PDPR: variants seen among roughly 807,000 people sequenced by gnomAD.
PDPR encodes pyruvate dehydrogenase phosphatase regulatory subunit.
Under a neutral mutation model 102.2 loss-of-function variants are expected in PDPR, and 50 were observed. The ratio of observed to expected loss-of-function variants is 0.49; its 90% CI spans 0.39 to 0.62. The LOEUF is 0.62. Among genes scored for constraint, PDPR ranks in the 20% least tolerant of loss-of-function variants. The pLI is 0.00. For missense variants in PDPR, 625 were observed against 1,098.2 expected, an observed-to-expected ratio of 0.57 and a Z score of 6.09; for synonymous variants, 259 against 406.0, an observed-to-expected ratio of 0.64 and a Z score of 4.35.
At position 70,138,038 on chromosome 16, in the gene PDPR, C is replaced by CTTTTTT. The variant is rs200071207; in HGVS notation, c.1191-846_1191-841dup. ...CAGGCGTGTGCCACCATACCCAGCT[C>CTTTTTT]TTTTTTTTTTTTTTTTTTTTGAAAC... On this transcript the variant is annotated intron_variant, in intron 10 of 18. Transcript: ENST00000288050. Among the ~76,000 whole-genome samples, 43 of 118,360 alleles carry CTTTTTT rather than the reference C, an allele frequency of 3.6e-4. 1 individual carries two copies. The highest frequency in any genetic ancestry group is 1.3e-3 in the African/African-American group (38 of 29,868). 77.6% of individuals were successfully genotyped at this position (118,360 alleles called of 152,430 possible). A position where few individuals can be genotyped will look rare whatever the true frequency, so the allele number is the denominator to read the frequency against.
At chr16:70,134,472 G>C (rs532399241) in intron 9 of PDPR, among the ~76,000 whole-genome samples, 1 of 149,004 alleles carries the variant, frequency 6.7e-6, no homozygotes. Context: ...CGATCCACCC[G>C]CCTCGGCCTC....
rs1967482690 is a variant in PDPR at position 70,158,691 on chromosome 16, G to C, written c.*1812G>C. On this transcript the variant is annotated 3_prime_UTR_variant, in exon 19 of 19. Transcript: ENST00000288050. ...GATGCTGCCTCTAGGCAGAGAGGAG[G>C]AGAGGTGTTGCCGGCTGGAGGGCCA... 1 of 153,248 alleles carries C rather than the reference G, an allele frequency of 6.5e-6. No homozygotes were observed. The highest frequency in any genetic ancestry group is 6.5e-5 in the Admixed American group (1 of 15,290). The allele number at this position is 153,248 out of a possible 1,614,324, so 9.5% of individuals were successfully genotyped here.
At chr16:70,151,230 G>A (rs1021378349) in intron 17 of PDPR, among the ~76,000 whole-genome samples, 13 of 152,208 alleles carry the variant, frequency 8.5e-5, no homozygotes, top group African/African-American at 2.2e-4. Context: ...CACCGCACCC[G>A]GCCTATTTTT....
Position 70,132,244 on chromosome 16 carries a change from C to G in PDPR, c.941C>G (p.Thr314Ser), listed in dbSNP as rs372615885. 3.1e-6 allele frequency: 5 copies of G among 1,613,890 alleles called. No individual in the cohort carries two copies. Among genetic ancestry groups the G allele is most frequent in the African/African-American group, 2.7e-5 (2 of 74,964 alleles). Residue 314 changes from threonine to serine, a missense_variant, in exon 9 of 19, where the codon ACT becomes AGT. Transcript: ENST00000288050. ...GFEKNPKPIFTEGKNQLEIQN... is the reference protein window; with the variant it reads ...GFEKNPKPIFSEGKNQLEIQN... Reference sequence around the variant, plus strand: ...GAGAAGAACCCGAAACCAATTTTCACTGAGGGCAAGAACCAGCTGGAGATT... The same window carrying G: ...GAGAAGAACCCGAAACCAATTTTCAGTGAGGGCAAGAACCAGCTGGAGATT...
rs543497146 is a variant in PDPR at position 70,159,590 on chromosome 16, G to C, written c.*2711G>C. On this transcript the variant is annotated 3_prime_UTR_variant, in exon 19 of 19. Transcript: ENST00000288050. ...GTGATTGGTCTAATGTGAGCTCTTT[G>C]AACAGACAGATCTGACAGTGAATGA... 9 of 153,018 alleles carry C rather than the reference G, an allele frequency of 5.9e-5. No individual in the cohort carries two copies. Among genetic ancestry groups the C allele is most frequent in the African/African-American group, 2.2e-4 (9 of 41,608 alleles). The allele number at this position is 153,018 out of a possible 1,614,324, so 9.5% of individuals were successfully genotyped here.
At chr16:70,156,361 A>T in intron 18 of PDPR, 114 bp from the exon 19 acceptor site, 2 of 1,284,986 alleles carry the variant, frequency 1.6e-6, no homozygotes, top group African/African-American at 1.5e-5. Context: ...GGGTTGTGGG[A>T]GGAGGCGGCT....
intron 11 of PDPR, among the ~76,000 whole-genome samples, chr16:70,139,507 G>A (rs2152098430): frequency 6.6e-6 from 1 of 152,366 alleles, no homozygotes; most frequent in East Asian, 1.9e-4. Context: ...GCTTCCGTGA[G>A]TGACTTTCAC....
At chr16:70,137,731 G>C (rs1243367043) in intron 10 of PDPR, among the ~76,000 whole-genome samples, 1 of 152,280 alleles carries the variant, frequency 6.6e-6, no homozygotes, top group African/African-American at 2.4e-5. Flanking sequence ...TCTGAAAACA[G>C]TTACAGAAGA....
At chr16:70,127,739 A>C (rs1025641409) in intron 4 of PDPR, among the ~76,000 whole-genome samples, 3 of 152,284 alleles carry the variant, frequency 2.0e-5, no homozygotes, top group African/African-American at 7.2e-5. Flanking sequence ...TTTTAGGAGA[A>C]TTGTCATTGG....
At chr16:70,133,111 CTTTTTTTT>C (rs140652740) in intron 9 of PDPR, among the ~76,000 whole-genome samples, 1 of 97,230 alleles carries the variant, frequency 1.0e-5, no homozygotes, top group Non-Finnish European at 1.9e-5. Flanking sequence ...TACCCAGCTG[CTTTTTTTT>C]TTTTTTTTTT....
intron 7 of PDPR, among the ~76,000 whole-genome samples, chr16:70,130,950 C>G (rs1399740232): frequency 2.0e-5 from 3 of 152,274 alleles, no homozygotes; most frequent in East Asian, 3.8e-4. Context: ...ATGCTATGAT[C>G]CCGAAGTGAA....
chr16:70,123,019 G>C (rs1019388978), intron 3 of PDPR, among the ~76,000 whole-genome samples: 2 of 152,104 alleles, frequency 1.3e-5, no homozygotes, highest in African/African-American at 4.8e-5. Flanking sequence ...TCCTGCCCCA[G>C]GCTCCCAAGT....
At chr16:70,118,008 G>C (rs1962822603) in intron 2 of PDPR, among the ~76,000 whole-genome samples, 1 of 151,476 alleles carries the variant, frequency 6.6e-6, no homozygotes, top group Admixed American at 6.6e-5. Context: ...CAGGAGAATT[G>C]CTTGAACCTG....
In PDPR at chr16:70,159,618, C is replaced by T. The variant is rs561776743; in HGVS notation, c.*2739C>T. 6.5e-6 allele frequency: 1 copy of T among 153,004 alleles called. No individual in the cohort carries two copies. Among genetic ancestry groups the T allele is most frequent in the African/African-American group, 2.4e-5 (1 of 41,598 alleles). The allele number at this position is 153,004 out of a possible 1,614,324, so 9.5% of individuals were successfully genotyped here. On this transcript the variant is annotated 3_prime_UTR_variant, in exon 19 of 19. Transcript: ENST00000288050. ...CAGACAGATCTGACAGTGAATGACT[C>T]TCCCCTGCTTCTGGCATAACTGCTT...
At chr16:70,123,148 C>T (rs1332517530) in intron 3 of PDPR, among the ~76,000 whole-genome samples, 1 of 152,234 alleles carries the variant, frequency 6.6e-6, no homozygotes, top group Non-Finnish European at 1.5e-5. Flanking sequence ...CTGATCCACC[C>T]GCCTCAGCCT....
chr16:70,137,149 G>A (rs1326098883), intron 10 of PDPR, among the ~76,000 whole-genome samples: 3 of 152,174 alleles, frequency 2.0e-5, no homozygotes, highest in Non-Finnish European at 4.4e-5. Context: ...TCATGAGATC[G>A]AGACCACTCT....
At chr16:70,135,503 C>A (rs1217379682) in intron 9 of PDPR, among the ~76,000 whole-genome samples, 4 of 152,380 alleles carry the variant, frequency 2.6e-5, no homozygotes, top group Admixed American at 2.6e-4. Context: ...TCCCAAAGTG[C>A]CGGGGTTACA....
chr16:70,138,258 G>T (rs1444708731), intron 10 of PDPR, among the ~76,000 whole-genome samples: 2 of 117,242 alleles, frequency 1.7e-5, no homozygotes, highest in Non-Finnish European at 3.3e-5. Flanking sequence ...CGCTCTTGTT[G>T]CCCAGGCTGG....
At position 70,115,494 on chromosome 16, in the gene PDPR, C is replaced by T. The variant is rs531424205; in HGVS notation, c.-33+564C>T. On this transcript the variant is annotated intron_variant, in intron 2 of 18. Transcript: ENST00000288050. ...TGAAAAATACAGCTCCCTGGAGTGGCAGGATCAGAATCTGCCGAGGTGGAC... is the reference window on the plus strand; with the variant it reads ...TGAAAAATACAGCTCCCTGGAGTGGTAGGATCAGAATCTGCCGAGGTGGAC... Among the ~76,000 whole-genome samples, 3 of 152,324 alleles carry T rather than the reference C, an allele frequency of 2.0e-5. No homozygotes were observed. In the South Asian group the frequency reaches 6.2e-4, roughly 32 times the overall value.
Sources: gnomAD v4.1 joint callset for allele counts (sites outside exome capture counted in the v4.1 genomes callset) on GRCh38, gnomAD v4.1.1 for gene constraint, MANE v1.5 for transcripts, NCBI Gene and HGNC (gene_info 2026-07-23, HGNC 2026-07-21) for gene names.